Variants in RAVER2 observed in about 807,000 individuals in gnomAD.
The protein encoded by RAVER2 is ribonucleoprotein PTB-binding 2.
A neutral mutation model predicts 78.1 loss-of-function variants in RAVER2; 46 were observed. The observed-to-expected ratio is 0.59, with a 90% confidence interval of 0.46 to 0.75. The LOEUF (loss-of-function observed/expected upper bound fraction) is 0.75. Ranked by LOEUF, RAVER2 falls within the 30% of genes least tolerant of loss-of-function variation. RAVER2 has a pLI of 0.00. For synonymous variants in RAVER2, 311 were observed against 313.3 expected, an observed-to-expected ratio of 0.99 and a Z score of 0.08; for missense variants, 793 against 837.5, an observed-to-expected ratio of 0.95 and a Z score of 0.66.
chr1:64,812,572 C>T (rs1653644058), intron 9 of RAVER2, among the ~76,000 whole-genome samples, 166 bp from the exon 10 acceptor site: 1 of 151,966 alleles, frequency 6.6e-6, no homozygotes, highest in Non-Finnish European at 1.5e-5. Flanking sequence ...TTTTTAAAAA[C>T]CTAATTGAAC....
chr1:64,803,354 G>A (rs538163824), intron 6 of RAVER2, among the ~76,000 whole-genome samples: 106 of 152,042 alleles, frequency 7.0e-4, no homozygotes, highest in Admixed American at 4.2e-3. Flanking sequence ...TTCAAGACAC[G>A]GCTTCTTATG....
In RAVER2 at chr1:64,745,718, G is replaced by C. The variant is rs888325036; in HGVS notation, c.249+297G>C. On this transcript the variant is annotated intron_variant, in intron 1 of 11. Coordinates refer to ENST00000294428, the Ensembl canonical transcript of RAVER2. This position sits in a 1 kb window ranked among gnomAD's most constrained non-coding sequence, Gnocchi z 4.3. ...CCCGGTCTTTCCTTCCCCTACGGCC[G>C]TAGAGGAGTAGGAGGTGAAGGAGAG... Among the ~76,000 whole-genome samples, 32 of 152,080 alleles carry C rather than the reference G, an allele frequency of 2.1e-4. No homozygotes were observed. Among genetic ancestry groups the C allele is most frequent in the South Asian group, 1.2e-3 (6 of 4,820 alleles).
chr1:64,818,945 T>G (rs1653819353), intron 11 of RAVER2, among the ~76,000 whole-genome samples: 1 of 152,100 alleles, frequency 6.6e-6, no homozygotes, highest in Non-Finnish European at 1.5e-5. Flanking sequence ...CTGAAAGAAC[T>G]GAGAAGAGAT....
At chr1:64,788,014 A>C (rs569782450) in intron 4 of RAVER2, among the ~76,000 whole-genome samples, 2 of 152,184 alleles carry the variant, frequency 1.3e-5, no homozygotes, top group East Asian at 1.9e-4. Context: ...GAAAGTTTTT[A>C]ATTTATCTTT....
At chr1:64,829,641 G>A (rs951356454) in intron 11 of RAVER2, among the ~76,000 whole-genome samples, 3 of 152,058 alleles carry the variant, frequency 2.0e-5, no homozygotes, top group African/African-American at 4.8e-5. Flanking sequence ...ATCAACTTAC[G>A]GCAGGTCTCC....
At chr1:64,784,057 A>C (rs573341709) in intron 4 of RAVER2, among the ~76,000 whole-genome samples, 1 of 152,190 alleles carries the variant, frequency 6.6e-6, no homozygotes, top group Non-Finnish European at 1.5e-5. Flanking sequence ...CTACATTTCA[A>C]TCTTTTATTG....
chr1:64,807,933 T>C (rs1653489744), intron 9 of RAVER2, among the ~76,000 whole-genome samples: 1 of 152,210 alleles, frequency 6.6e-6, no homozygotes, highest in South Asian at 2.1e-4. Context: ...GGAGTATCAA[T>C]GCTTATTCGC....
chr1:64,756,666 G>A (rs956282373), intron 1 of RAVER2, among the ~76,000 whole-genome samples: 1 of 152,042 alleles, frequency 6.6e-6, no homozygotes, highest in Admixed American at 6.6e-5. Flanking sequence ...AATCAACACT[G>A]GCATATTATT....
chr1:64,768,675 A>G, exon 2 of RAVER2: 1 of 1,562,900 alleles, frequency 6.4e-7, no homozygotes, highest in Non-Finnish European at 8.8e-7. Context: ...GATTTGTTAA[A>G]AGACTATGAC....
At chr1:64,811,090 A>T (rs1057285105) in intron 9 of RAVER2, among the ~76,000 whole-genome samples, 1 of 152,232 alleles carries the variant, frequency 6.6e-6, no homozygotes, top group African/African-American at 2.4e-5. Context: ...CAAAACTAAC[A>T]TACATACTTA....
chr1:64,787,027 A>G (rs1463666663), intron 4 of RAVER2, among the ~76,000 whole-genome samples: 4 of 152,244 alleles, frequency 2.6e-5, no homozygotes, highest in African/African-American at 9.6e-5. Context: ...GAGGGCTGCT[A>G]TTATTTTTCC....
intron 5 of RAVER2, among the ~76,000 whole-genome samples, chr1:64,795,273 T>C (rs1012193995): frequency 6.6e-6 from 1 of 152,136 alleles, no homozygotes; most frequent in Non-Finnish European, 1.5e-5. Flanking sequence ...ATTCTTCTTT[T>C]TCAAAGTTGT....
chr1:64,789,413 T>G (rs1248451053), exon 5 of RAVER2: 4 of 1,609,266 alleles, frequency 2.5e-6, no homozygotes, highest in Admixed American at 1.7e-5. Context: ...AAGGGCTTAC[T>G]TCCAGAGCCA....
At chr1:64,751,874 A>G (rs1158013924) in intron 1 of RAVER2, among the ~76,000 whole-genome samples, 1 of 152,218 alleles carries the variant, frequency 6.6e-6, no homozygotes, top group Non-Finnish European at 1.5e-5. Flanking sequence ...AATTATTTAT[A>G]TATTTTTAAA....
At chr1:64,750,358 G>A (rs1390605297) in intron 1 of RAVER2, among the ~76,000 whole-genome samples, 1 of 149,688 alleles carries the variant, frequency 6.7e-6, no homozygotes, top group African/African-American at 2.5e-5. Context: ...CTCCCAGGCT[G>A]GAGTGCAGTG....
chr1:64,796,591 T>A (rs1367946359), intron 5 of RAVER2, among the ~76,000 whole-genome samples: 1 of 152,158 alleles, frequency 6.6e-6, no homozygotes, highest in Non-Finnish European at 1.5e-5. Context: ...TTCTTTAATC[T>A]CTGCAGGATC....
At chr1:64,776,537 T>A (rs1390514610) in intron 2 of RAVER2, among the ~76,000 whole-genome samples, 1 of 152,190 alleles carries the variant, frequency 6.6e-6, no homozygotes, top group Non-Finnish European at 1.5e-5. Flanking sequence ...TACTTCTCTG[T>A]CTCTTGCTAT....
Position 64,766,397 on chromosome 1 carries a change from A to G in RAVER2, c.250-2259A>G, listed in dbSNP as rs151332511. Among the ~76,000 whole-genome samples, 7 of 152,280 alleles carry G rather than the reference A, an allele frequency of 4.6e-5. No individual in the cohort carries two copies. The East Asian group carries it at 1.2e-3, about 25-fold the overall frequency. ...AAGTTTTTAATTTGGCCAACTTACCAAGGCTCAAATTGAGGGATGACCCAC... is the reference window on the plus strand; with the variant it reads ...AAGTTTTTAATTTGGCCAACTTACCGAGGCTCAAATTGAGGGATGACCCAC... On this transcript the variant is annotated intron_variant, in intron 1 of 11. Coordinates refer to ENST00000294428, the Ensembl canonical transcript of RAVER2.
At chr1:64,804,687 A>C (rs1653361536) in intron 6 of RAVER2, 47 bp from the exon 7 acceptor site, 1 of 948,250 alleles carries the variant, frequency 1.1e-6, no homozygotes, top group Non-Finnish European at 1.7e-6. Flanking sequence ...GTTATACAAC[A>C]TGTAGCTTTT....
Sources: gnomAD v4.1 joint callset for allele counts (sites outside exome capture counted in the v4.1 genomes callset) on GRCh38, gnomAD v4.1.1 for gene constraint, Gnocchi (gnomAD v3.1) non-coding constraint, MANE v1.5 for transcripts, NCBI Gene and HGNC (gene_info 2026-07-23, HGNC 2026-07-21) for gene names.